NANOG: variants seen among roughly 807,000 people sequenced by gnomAD.
NANOG encodes the protein Nanog homeobox.
Under a neutral mutation model 17.7 loss-of-function variants are expected in NANOG, and 2 were observed. That is an observed-to-expected ratio of 0.11 (90% CI 0.05 to 0.36). The LOEUF (loss-of-function observed/expected upper bound fraction) is 0.36. Ranked by LOEUF, NANOG falls within the 10% of genes least tolerant of loss-of-function variation. NANOG has a pLI of 1.00. For synonymous variants in NANOG, 81 were observed against 124.7 expected (o/e 0.65, Z 2.33); for missense variants, 174 against 362.1 (o/e 0.48, Z 4.22).
At chr12:7,792,872 T>G (rs1862860882) in intron 1 of NANOG, 78 bp from the exon 2 acceptor site, 4 of 1,438,764 alleles carry the variant, frequency 2.8e-6, no homozygotes, top group Non-Finnish European at 3.8e-6. Flanking sequence ...CAAAGTACTT[T>G]GAAAACAATT....
At position 7,797,357 on chromosome 12, in the gene NANOG, A is replaced by ATT. The variant is rs35626012; in HGVS notation, c.*2278_*2279dup. ...AGGTGTGAGCCACCGTGTCTGGGCA[A>ATT]TTTTTTTTTTTTTTTTTGAGATGGA... On this transcript the variant is annotated 3_prime_UTR_variant, in exon 4 of 4. Transcript: ENST00000229307. The ATT allele has an allele frequency of 0.031, 3,869 of 126,540 alleles. 223 individuals carry two copies. Among genetic ancestry groups the ATT allele is most frequent in the African/African-American group, 0.096 (3,211 of 33,284 alleles). The allele number at this position is 126,540 out of a possible 1,614,324, so 7.8% of individuals were successfully genotyped here. A position where few individuals can be genotyped will look rare whatever the true frequency, so the allele number is the denominator to read the frequency against.
intron 2 of NANOG, 54 bp from the exon 3 acceptor site, chr12:7,794,403 C>A: frequency 1.4e-6 from 2 of 1,481,092 alleles, no homozygotes; most frequent in South Asian, 1.2e-5. Context: ...TACTTTGATT[C>A]AAAGTACCTC....
In NANOG at chr12:7,794,454, C is replaced by G. The variant is rs369274137; in HGVS notation, c.415-3C>G. On this transcript the variant is annotated splice_polypyrimidine_tract_variant and splice_region_variant and intron_variant, in intron 2 of 3. Transcript: ENST00000229307. ...TTACAATTTCTATCATTTTTTCCTG[C>G]AGGTGAAGACCTGGTTCCAGAACCA... 1 of 1,609,046 alleles carries G rather than the reference C, an allele frequency of 6.2e-7. No homozygotes were observed. Among genetic ancestry groups the G allele is most frequent in the Non-Finnish European group, 8.5e-7 (1 of 1,177,152 alleles).
chr12:7,798,265 T>C lies in NANOG; in HGVS notation c.*3170T>C, dbSNP rs1862955899. 6.6e-6 allele frequency: 1 copy of C among 152,204 alleles called. No individual in the cohort carries two copies. Among genetic ancestry groups the C allele is most frequent in the Non-Finnish European group, 1.5e-5 (1 of 68,064 alleles). 9.4% of individuals were successfully genotyped at this position (152,204 alleles called of 1,614,324 possible). A position where few individuals can be genotyped will look rare whatever the true frequency, so the allele number is the denominator to read the frequency against. The stretch of plus-strand genomic sequence containing the variant: ...CTTGGTTTGCGCCTGTAATCTCAGC[T>C]ACTTGGAAGGCGGAGGCAGGATAAT... On this transcript the variant is annotated 3_prime_UTR_variant, in exon 4 of 4. Transcript: ENST00000229307.
At chr12:7,791,249 A>G (rs1224463451) in intron 1 of NANOG, among the ~76,000 whole-genome samples, 1 of 151,682 alleles carries the variant, frequency 6.6e-6, no homozygotes, top group Non-Finnish European at 1.5e-5. Flanking sequence ...AGCAGGTATT[A>G]CAGATGTATG....
At position 7,798,987 on chromosome 12, in the gene NANOG, C is replaced by T. The variant is rs1428633221; in HGVS notation, c.*3892C>T. 25 of 149,638 alleles carry T rather than the reference C, an allele frequency of 1.7e-4. No homozygotes were observed. Among genetic ancestry groups the T allele is most frequent in the African/African-American group, 5.9e-4 (24 of 40,484 alleles). 9.3% of individuals were successfully genotyped at this position (149,638 alleles called of 1,614,324 possible). A position where few individuals can be genotyped will look rare whatever the true frequency, so the allele number is the denominator to read the frequency against. ...AGGAAGTTAGTTCGACTAAGGATAC[C>T]GAAATGTAGGAATTTGAATGGGTTC... On this transcript the variant is annotated 3_prime_UTR_variant, in exon 4 of 4. Coordinates refer to ENST00000229307, the MANE Select transcript of NANOG (RefSeq NM_024865.4).
At chr12:7,789,866 A>G in intron 1 of NANOG, 101 bp downstream of exon 1, 1 of 1,246,698 alleles carries the variant, frequency 8.0e-7, no homozygotes, top group South Asian at 1.2e-5. Context: ...ATGATGGACC[A>G]TTACTATAAA....
chr12:7,790,060 A>C (rs1315458798), intron 1 of NANOG, among the ~76,000 whole-genome samples: 1 of 152,188 alleles, frequency 6.6e-6, no homozygotes, highest in East Asian at 1.9e-4. Flanking sequence ...TGGAAACAAA[A>C]ATGTATCGTT....
Position 7,789,614 on chromosome 12 carries a change from C to A in NANOG, c.-1C>A. The A allele has an allele frequency of 1.9e-6, 3 of 1,613,578 alleles. No individual in the cohort carries two copies. Among genetic ancestry groups the A allele is most frequent in the Non-Finnish European group, 2.5e-6 (3 of 1,180,002 alleles). On this transcript the variant is annotated 5_prime_UTR_variant, in exon 1 of 4. Transcript: ENST00000229307. ...TTTTCCTCCTCTTCCTCTATACTAA[C>A]ATGAGTGTGGATCCAGCTTGTCCCC...
Position 7,791,645 on chromosome 12 carries a change from T to C in NANOG, c.152-1305T>C, listed in dbSNP as rs186127848. ...AGGGGTAGAATTGAGAGTTGAACAC[T>C]GGGAAAACCGCAGAGCAATTAGGTA... is the stretch of plus-strand genomic sequence containing the variant. On this transcript the variant is annotated intron_variant, in intron 1 of 3. Coordinates refer to ENST00000229307, the MANE Select transcript of NANOG (RefSeq NM_024865.4). 9.0e-3 allele frequency among the ~76,000 whole-genome samples: 1,371 copies of C among 152,288 alleles called. 16 individuals are homozygous for C. The highest frequency in any genetic ancestry group is 0.014 in the Non-Finnish European group (922 of 68,032).
intron 1 of NANOG, among the ~76,000 whole-genome samples, chr12:7,790,138 T>C (rs112224069): frequency 0.039 from 5,491 of 141,914 alleles, 190 homozygotes; most frequent in East Asian, 0.11. Flanking sequence ...ATAGCAGATT[T>C]ATTGCTAATT....
At chr12:7,793,285 T>G in intron 2 of NANOG, 73 bp downstream of exon 2, 1 of 1,404,982 alleles carries the variant, frequency 7.1e-7, no homozygotes, top group East Asian at 2.3e-5. Flanking sequence ...CCTCTGTGGA[T>G]GCATGTAGAT....
chr12:7,793,983 G>A (rs936866170), intron 2 of NANOG, among the ~76,000 whole-genome samples: 3 of 152,164 alleles, frequency 2.0e-5, no homozygotes, highest in African/African-American at 7.2e-5. Context: ...GACCTCAAGT[G>A]ATCCACGTGC....
At chr12:7,794,612 C>G in intron 3 of NANOG, 67 bp from the exon 4 acceptor site, 1 of 1,608,828 alleles carries the variant, frequency 6.2e-7, no homozygotes, top group Admixed American at 1.7e-5. Flanking sequence ...CTGAAACACA[C>G]AACTCCAGTC....
intron 2 of NANOG, 145 bp downstream of exon 2, chr12:7,793,357 G>A (rs1261797243): frequency 5.6e-6 from 4 of 716,076 alleles, no homozygotes; most frequent in Non-Finnish European, 9.3e-6. Flanking sequence ...AAATGCTTTT[G>A]TAACTTCCTT....
At position 7,795,378 on chromosome 12, in the gene NANOG, G is replaced by A. The variant is rs1428246118; in HGVS notation, c.*283G>A. ...GCTCTGTCGCCCAGGCTGGAGTGCA[G>A]TGGCGCGGTCTTGGCTCACTGCAAG... is the stretch of plus-strand genomic sequence containing the variant. On this transcript the variant is annotated 3_prime_UTR_variant, in exon 4 of 4. Transcript: ENST00000229307. The A allele has an allele frequency of 3.0e-6, 1 of 333,474 alleles. No homozygotes were observed. The highest frequency in any genetic ancestry group is 5.8e-6 in the Non-Finnish European group (1 of 173,466). The allele number at this position is 333,474 out of a possible 1,614,324, so 20.7% of individuals were successfully genotyped here.
Position 7,797,960 on chromosome 12 carries a change from T to C in NANOG, c.*2865T>C, listed in dbSNP as rs555462620. Reference sequence around the variant, plus strand: ...GAGTCACCAGCCTAGCCCTGTATTATGTTTTCTGAACTTTTTTTTTTTTAA... The same window carrying C: ...GAGTCACCAGCCTAGCCCTGTATTACGTTTTCTGAACTTTTTTTTTTTTAA... On this transcript the variant is annotated 3_prime_UTR_variant, in exon 4 of 4. Coordinates refer to ENST00000229307, the MANE Select transcript of NANOG (RefSeq NM_024865.4). 1.3e-5 allele frequency: 2 copies of C among 151,998 alleles called. No homozygotes were observed. The highest frequency in any genetic ancestry group is 4.8e-5 in the African/African-American group (2 of 41,402). 9.4% of individuals were successfully genotyped at this position (151,998 alleles called of 1,614,324 possible). A position where few individuals can be genotyped will look rare whatever the true frequency, so the allele number is the denominator to read the frequency against.
At chr12:7,792,302 A>T (rs2120565314) in intron 1 of NANOG, among the ~76,000 whole-genome samples, 1 of 152,276 alleles carries the variant, frequency 6.6e-6, no homozygotes, top group East Asian at 1.9e-4. Flanking sequence ...AATACGTGAA[A>T]ATTGGTGAAT....
rs1862959745 is a variant in NANOG, at chr12:7,798,670, C to A, written c.*3575C>A. On this transcript the variant is annotated 3_prime_UTR_variant, in exon 4 of 4. Transcript: ENST00000229307. ...AACTCAGAAGTGGGAGGAATACAGG[C>A]CTTGATTAGTGAATTTCAAGCTCAG... 7.3e-6 allele frequency: 1 copy of A among 136,292 alleles called. No homozygotes were observed. The highest frequency in any genetic ancestry group is 1.6e-5 in the Non-Finnish European group (1 of 63,822). 8.4% of individuals were successfully genotyped at this position (136,292 alleles called of 1,614,324 possible).
Sources: gnomAD v4.1 joint callset for allele counts (sites outside exome capture counted in the v4.1 genomes callset) on GRCh38, gnomAD v4.1.1 for gene constraint, MANE v1.5 for transcripts, NCBI Gene and HGNC (gene_info 2026-07-23, HGNC 2026-07-21) for gene names.